The following FYB1 variants were observed in gnomAD, a reference collection of about 807,000 sequenced individuals.
FYB1 encodes FYN binding protein 1, also known as FYN-binding protein 1.
Under a neutral mutation model 94.1 loss-of-function variants are expected in FYB1, and 41 were observed. That is an observed-to-expected ratio of 0.44 (90% CI 0.34 to 0.57). The LOEUF is 0.57. FYB1 is among the 20% of genes least tolerant of loss of function. FYB1 has a pLI of 0.02. For synonymous variants in FYB1, 367 were observed against 353.2 expected (o/e 1.04, Z -0.44); for missense variants, 1,050 against 976.8 (o/e 1.07, Z -1.00).
chr5:39,133,489 G>A (rs912417550), intron 9 of FYB1, among the ~76,000 whole-genome samples: 1 of 151,930 alleles, frequency 6.6e-6, no homozygotes, highest in African/African-American at 2.4e-5. Flanking sequence ...AATCAGAGCT[G>A]GAACAAAGAG....
chr5:39,130,072 T>TA lies in FYB1; in HGVS notation c.1840+517dup, dbSNP rs141150455. On this transcript the variant is annotated intron_variant, in intron 10 of 18. Coordinates refer to ENST00000512982, the MANE Select transcript of FYB1 (RefSeq NM_001465.6). ...TACGCAATGAAATACTATTTGGTCATAAAAAAAAAAGAATGAAATCATGTC... is the reference window on the plus strand; with the variant it reads ...TACGCAATGAAATACTATTTGGTCATAAAAAAAAAAAGAATGAAATCATGTC... 2.9e-3 allele frequency among the ~76,000 whole-genome samples: 427 copies of TA among 146,584 alleles called. 4 individuals are homozygous for TA. The highest frequency in any genetic ancestry group is 9.4e-3 in the African/African-American group (376 of 40,126).
Position 39,113,143 on chromosome 5 carries a change from A to C in FYB1, c.2402-2754T>G, listed in dbSNP as rs766464592. On this transcript the variant is annotated intron_variant, in intron 16 of 18. Transcript: ENST00000512982. Reference sequence around the variant, plus strand: ...GTGTCAAAACAAGTGACTTACCATAAATTTTTATATAATCTCTCCATTATA... The same window carrying C: ...GTGTCAAAACAAGTGACTTACCATACATTTTTATATAATCTCTCCATTATA... 2.7e-4 allele frequency among the ~76,000 whole-genome samples: 41 copies of C among 152,060 alleles called. 1 individual carries two copies. Among genetic ancestry groups the C allele is most frequent in the Non-Finnish European group, 5.6e-4 (38 of 67,982 alleles).
At chr5:39,170,446 A>G in intron 2 of FYB1, 2 of 381,860 alleles carry the variant, frequency 5.2e-6, no homozygotes, top group Non-Finnish European at 9.6e-6. Context: ...GAGGGGGCCC[A>G]GGCTGAGTAA....
chr5:39,263,638 G>A (rs1752317068), intron 1 of FYB1, among the ~76,000 whole-genome samples: 1 of 152,098 alleles, frequency 6.6e-6, no homozygotes, highest in South Asian at 2.1e-4. Context: ...AGATTTCCCT[G>A]GGACACCAGT....
intron 6 of FYB1, 149 bp downstream of exon 6, chr5:39,138,508 C>A (rs965057273): frequency 4.0e-6 from 2 of 501,440 alleles, no homozygotes; most frequent in East Asian, 6.8e-5. Context: ...AATTTTGGGT[C>A]CTTTAAATTG....
At chr5:39,133,402 C>T (rs1384564824) in intron 9 of FYB1, among the ~76,000 whole-genome samples, 1 of 151,442 alleles carries the variant, frequency 6.6e-6, no homozygotes, top group African/African-American at 2.4e-5. Flanking sequence ...AAACTGAAAA[C>T]GGAGGTGTTG....
intron 1 of FYB1, among the ~76,000 whole-genome samples, chr5:39,264,024 G>C (rs1260316744): frequency 6.6e-6 from 1 of 152,168 alleles, no homozygotes; most frequent in African/African-American, 2.4e-5. Context: ...GTATTAGAAG[G>C]TGAGGCCTTT....
intron 1 of FYB1, among the ~76,000 whole-genome samples, chr5:39,231,270 A>T (rs1255016451): frequency 6.6e-6 from 1 of 152,030 alleles, no homozygotes; most frequent in Non-Finnish European, 1.5e-5. Context: ...TCCATCCTCA[A>T]TTCCATGAAT....
Position 39,141,010 on chromosome 5 carries a change from A to G in FYB1, c.1339+85T>C. The G allele has an allele frequency of 3.3e-6, 3 of 898,268 alleles. No homozygotes were observed. The South Asian group carries it at 4.4e-5, about 13-fold the overall frequency. The allele number at this position is 898,268 out of a possible 1,614,324, so 55.6% of individuals were successfully genotyped here. ...CACAGACCAGTGATGATAATGACCCATTAATGAGCCTATAAGAATGAATAG... is the reference window on the plus strand; with the variant it reads ...CACAGACCAGTGATGATAATGACCCGTTAATGAGCCTATAAGAATGAATAG... On this transcript the variant is annotated intron_variant, in intron 4 of 18. Coordinates refer to ENST00000512982, the MANE Select transcript of FYB1 (RefSeq NM_001465.6).
intron 1 of FYB1, among the ~76,000 whole-genome samples, chr5:39,205,061 A>T (rs913714585): frequency 1.6e-4 from 25 of 152,190 alleles, no homozygotes; most frequent in African/African-American, 5.5e-4. Context: ...CTTCAGAGAG[A>T]TCAGAGTTGC....
In FYB1 at chr5:39,232,546, TA is replaced by T. The variant is rs1211797320; in HGVS notation, c.-27-29560del. Among the ~76,000 whole-genome samples, 165 of 151,184 alleles carry T rather than the reference TA, an allele frequency of 1.1e-3. 1 individual carries two copies. Among genetic ancestry groups the T allele is most frequent in the African/African-American group, 3.9e-3 (160 of 41,086 alleles). On this transcript the variant is annotated intron_variant, in intron 1 of 1. Transcript: ENST00000510188. The stretch of plus-strand genomic sequence containing the variant: ...TATTTTATTTATTTATTTATTTATT[TA>T]TTTTTTATTTATTTTTTTTGCTTTT...
intron 16 of FYB1, among the ~76,000 whole-genome samples, chr5:39,117,848 T>A (rs1157275654): frequency 6.6e-6 from 1 of 152,152 alleles, no homozygotes; most frequent in Non-Finnish European, 1.5e-5. Context: ...TCTTTTGAAA[T>A]TTGACAAAAA....
At chr5:39,137,562 G>A in intron 7 of FYB1, 38 bp downstream of exon 7, 1 of 1,523,988 alleles carries the variant, frequency 6.6e-7, no homozygotes, top group Non-Finnish European at 8.8e-7. Context: ...GGTATAAAAA[G>A]ATGTTATTCT....
intron 9 of FYB1, among the ~76,000 whole-genome samples, chr5:39,132,303 A>T (rs527980710): frequency 6.6e-6 from 1 of 152,348 alleles, no homozygotes; most frequent in Admixed American, 6.5e-5. Context: ...GGCTACACTC[A>T]GCATCTTCCC....
intron 1 of FYB1, among the ~76,000 whole-genome samples, chr5:39,269,388 C>A (rs1752572823): frequency 6.6e-6 from 1 of 152,170 alleles, no homozygotes; most frequent in African/African-American, 2.4e-5. Flanking sequence ...ACCTAAAGAC[C>A]AAACTTGGAA....
intron 2 of FYB1, among the ~76,000 whole-genome samples, chr5:39,162,611 G>A (rs73089192): frequency 0.096 from 14,649 of 152,098 alleles, 1,086 homozygotes; most frequent in East Asian, 0.4. Context: ...CTTGAACCAG[G>A]GAGGCGGAGG....
intron 2 of FYB1, among the ~76,000 whole-genome samples, chr5:39,199,002 C>G (rs1193441151): frequency 6.6e-6 from 1 of 151,970 alleles, no homozygotes. Context: ...CACATCTCAA[C>G]ACTCATTTGT....
At chr5:39,176,212 G>A (rs1225210849) in intron 2 of FYB1, among the ~76,000 whole-genome samples, 3 of 134,636 alleles carry the variant, frequency 2.2e-5, no homozygotes, top group Non-Finnish European at 4.6e-5. Flanking sequence ...GTGCAATGGC[G>A]CGATCTTGGC....
intron 3 of FYB1, among the ~76,000 whole-genome samples, chr5:39,150,125 A>G (rs1442263583): frequency 6.6e-6 from 1 of 152,176 alleles, no homozygotes; most frequent in Non-Finnish European, 1.5e-5. Context: ...ACTGGGCCCC[A>G]GAAGACCAGA....
Sources: allele counts gnomAD v4.1 joint callset (sites outside exome capture counted in the v4.1 genomes callset), GRCh38; gene constraint gnomAD v4.1.1; transcripts MANE v1.5; gene names NCBI Gene and HGNC (gene_info 2026-07-23, HGNC 2026-07-21).